The following MYRIP variants were observed in gnomAD, a reference collection of about 807,000 sequenced individuals.
MYRIP encodes rab effector MyRIP.
A neutral mutation model predicts 98.0 loss-of-function variants in MYRIP; 49 were observed. The ratio of observed to expected loss-of-function variants is 0.50; its 90% CI spans 0.40 to 0.63. The LOEUF is 0.63. MYRIP is among the 30% of genes least tolerant of loss of function. The pLI is 0.00. For missense variants in MYRIP, 1,004 were observed against 1,058.2 expected (o/e 0.95, Z 0.71); for synonymous variants, 404 against 409.5 (o/e 0.99, Z 0.16).
Position 39,825,402 on chromosome 3 carries a change from G to A in MYRIP, c.-31+15486G>A, listed in dbSNP as rs1941232053. Among the ~76,000 whole-genome samples the A allele has an allele frequency of 4.6e-5, 7 of 152,104 alleles. No individual in the cohort carries two copies. The South Asian group carries it at 1.5e-3, about 32-fold the overall frequency. On this transcript the variant is annotated intron_variant, in intron 1 of 16. Coordinates refer to ENST00000302541, the MANE Select transcript of MYRIP (RefSeq NM_015460.4). ...ATTTATTGAGAGTTTTTATCATGAA[G>A]GGATGTTGGATTTCATTAAATTTTT...
chr3:40,192,459 C>G (rs184848083), intron 10 of MYRIP, among the ~76,000 whole-genome samples: 233 of 150,086 alleles, frequency 1.6e-3, no homozygotes, highest in Non-Finnish European at 2.2e-3. Flanking sequence ...TGACCACAAC[C>G]CTAAATCCCT....
intron 11 of MYRIP, among the ~76,000 whole-genome samples, chr3:40,213,745 T>C (rs549254919): frequency 6.6e-6 from 1 of 152,072 alleles, no homozygotes; most frequent in African/African-American, 2.4e-5. Flanking sequence ...AAAGTCCAAC[T>C]ACCTGAGGAC....
At chr3:40,071,545 G>A (rs1948229190) in intron 3 of MYRIP, among the ~76,000 whole-genome samples, 1 of 148,594 alleles carries the variant, frequency 6.7e-6, no homozygotes, top group South Asian at 2.2e-4. Flanking sequence ...TGATGATTGG[G>A]GCACAAGGGT....
chr3:39,982,855 C>T (rs1945929280), intron 2 of MYRIP, among the ~76,000 whole-genome samples: 1 of 152,058 alleles, frequency 6.6e-6, no homozygotes, highest in African/African-American at 2.4e-5. Flanking sequence ...AAAAATTTCT[C>T]CAGGATTATT....
At chr3:39,843,154 CT>C (rs1237423833) in intron 1 of MYRIP, among the ~76,000 whole-genome samples, 1 of 152,080 alleles carries the variant, frequency 6.6e-6, no homozygotes, top group Non-Finnish European at 1.5e-5. Flanking sequence ...TTTCACACTC[CT>C]TTTTGTTATC....
At position 40,055,223 on chromosome 3, in the gene MYRIP, T is replaced by C. The variant is rs536560774; in HGVS notation, c.332+10952T>C. On this transcript the variant is annotated intron_variant, in intron 3 of 16. Coordinates refer to ENST00000302541, the MANE Select transcript of MYRIP (RefSeq NM_015460.4). Reference sequence around the variant, plus strand: ...ACATACCCACCAATCACACCAGTGTTTGATATATCTTAGTGGCATTACAAT... The same window carrying C: ...ACATACCCACCAATCACACCAGTGTCTGATATATCTTAGTGGCATTACAAT... Among the ~76,000 whole-genome samples the C allele has an allele frequency of 2.0e-5, 3 of 152,304 alleles. No homozygotes were observed. The East Asian group carries it at 5.8e-4, about 29-fold the overall frequency.
chr3:39,953,615 C>T (rs1358494933), intron 2 of MYRIP, among the ~76,000 whole-genome samples: 3 of 152,222 alleles, frequency 2.0e-5, no homozygotes, highest in South Asian at 2.1e-4. Flanking sequence ...CCAGTGTGAG[C>T]GACACAGAAG....
intron 1 of MYRIP, among the ~76,000 whole-genome samples, chr3:39,861,067 C>G (rs147105699): frequency 6.6e-6 from 1 of 152,232 alleles, no homozygotes; most frequent in Non-Finnish European, 1.5e-5. Context: ...ACTAGTGGAG[C>G]GCTTTGGCTG....
chr3:39,982,980 G>A (rs1945932229), intron 2 of MYRIP, among the ~76,000 whole-genome samples: 1 of 152,164 alleles, frequency 6.6e-6, no homozygotes, highest in Admixed American at 6.5e-5. Flanking sequence ...AATTTATTGT[G>A]ATAGTAGGTG....
intron 13 of MYRIP, among the ~76,000 whole-genome samples, chr3:40,247,381 T>A (rs1157695118): frequency 6.6e-6 from 1 of 152,214 alleles, no homozygotes; most frequent in Non-Finnish European, 1.5e-5. Context: ...TACCACATTA[T>A]TGTATTTATT....
At chr3:40,050,731 C>T (rs538017449) in intron 3 of MYRIP, among the ~76,000 whole-genome samples, 11 of 152,232 alleles carry the variant, frequency 7.2e-5, no homozygotes, top group African/African-American at 2.6e-4. Flanking sequence ...AAAGGATTCA[C>T]CATTCTAGAT....
At chr3:39,952,655 A>G (rs775103875) in intron 2 of MYRIP, among the ~76,000 whole-genome samples, 12 of 152,190 alleles carry the variant, frequency 7.9e-5, no homozygotes, top group Non-Finnish European at 1.5e-4. Context: ...CGCCTCATAG[A>G]ATGAAATACG....
Position 40,167,218 on chromosome 3 carries a change from G to A in MYRIP, c.708G>A (p.Leu236=), listed in dbSNP as rs1950518822. 6.2e-7 allele frequency: 1 copy of A among 1,614,172 alleles called. No homozygotes were observed. Among genetic ancestry groups the A allele is most frequent in the Non-Finnish European group, 8.5e-7 (1 of 1,180,034 alleles). ...RDHKEELTEE[L]ATTILQKIIR... is the part of the protein sequence containing the mutation. ...ACAAGGAGGAGCTAACTGAGGAACT[G>A]GCCACGACAATCCTGCAGAAGGTAG... Residue 236 remains leucine (L), a synonymous_variant, in exon 7 of 17, where the codon CTG becomes CTA. Coordinates refer to ENST00000302541, the MANE Select transcript of MYRIP (RefSeq NM_015460.4).
chr3:39,976,282 A>G (rs1945748809), intron 2 of MYRIP, among the ~76,000 whole-genome samples: 1 of 152,240 alleles, frequency 6.6e-6, no homozygotes, highest in African/African-American at 2.4e-5. Context: ...CAGCCAAAAG[A>G]CACATGAGAA....
chr3:39,998,327 A>C (rs1379957075), intron 2 of MYRIP, among the ~76,000 whole-genome samples: 1 of 152,238 alleles, frequency 6.6e-6, no homozygotes, highest in Non-Finnish European at 1.5e-5. Flanking sequence ...AGGCAACTTC[A>C]GCAAAGTCTC....
chr3:40,019,444 G>A (rs1330882821), intron 2 of MYRIP, among the ~76,000 whole-genome samples: 2 of 152,058 alleles, frequency 1.3e-5, no homozygotes, highest in Non-Finnish European at 2.9e-5. Flanking sequence ...CACAAGCAGC[G>A]ATGCTTCTGT....
chr3:39,938,156 C>T (rs1944699172), intron 2 of MYRIP, among the ~76,000 whole-genome samples: 1 of 152,156 alleles, frequency 6.6e-6, no homozygotes, highest in African/African-American at 2.4e-5. Context: ...CTTTTAATCA[C>T]TATTCACCAA....
intron 2 of MYRIP, among the ~76,000 whole-genome samples, chr3:39,996,776 G>T (rs1276646126): frequency 2.0e-5 from 3 of 152,048 alleles, no homozygotes; most frequent in African/African-American, 7.2e-5. Context: ...TGACCACAGG[G>T]TTGGAAGTAA....
intron 9 of MYRIP, among the ~76,000 whole-genome samples, chr3:40,186,662 C>G (rs974568773): frequency 6.6e-6 from 1 of 152,190 alleles, no homozygotes; most frequent in African/African-American, 2.4e-5. Context: ...GTAGCCAGAG[C>G]AAGCCTCAAG....
Sources: gnomAD v4.1 joint callset for allele counts (sites outside exome capture counted in the v4.1 genomes callset) on GRCh38, gnomAD v4.1.1 for gene constraint, MANE v1.5 for transcripts, NCBI Gene and HGNC (gene_info 2026-07-23, HGNC 2026-07-21) for gene names.